COL19A1: variants seen among roughly 807,000 people sequenced by gnomAD.
COL19A1 encodes collagen type XIX alpha 1 chain.
A neutral mutation model predicts 190.2 loss-of-function variants in COL19A1; 159 were observed. The ratio of observed to expected loss-of-function variants is 0.84; its 90% confidence interval spans 0.73 to 0.95. The LOEUF (loss-of-function observed/expected upper bound fraction) is 0.95, where lower values mean the gene tolerates loss of function less well. Ranked by LOEUF, COL19A1 falls within the 40% of genes least tolerant of loss-of-function variation. The pLI is 0.00. For synonymous variants in COL19A1, 509 were observed against 458.9 expected (o/e 1.11, Z -1.39); for missense variants, 1,418 against 1,431.9 (o/e 0.99, Z 0.16).
chr6:70,117,083 A>G (rs1476234238), intron 16 of COL19A1, among the ~76,000 whole-genome samples: 1 of 152,212 alleles, frequency 6.6e-6, no homozygotes, highest in Non-Finnish European at 1.5e-5. Context: ...ATTGAGGATC[A>G]GAGAGTGAGC....
chr6:69,941,809 C>T (rs1467814401), intron 9 of COL19A1, among the ~76,000 whole-genome samples: 1 of 151,992 alleles, frequency 6.6e-6, no homozygotes, highest in Non-Finnish European at 1.5e-5. Flanking sequence ...CTGCCTCAGC[C>T]TCCTGAGTAG....
chr6:70,054,980 C>T (rs978823094), intron 14 of COL19A1, among the ~76,000 whole-genome samples: 1 of 152,046 alleles, frequency 6.6e-6, no homozygotes, highest in African/African-American at 2.4e-5. Context: ...TAAACTAAAT[C>T]AATTGGCCAG....
Position 70,145,722 on chromosome 6 carries a change from CTTT to C in COL19A1, c.1770+729_1770+731del, listed in dbSNP as rs56306364. 2.2e-3 allele frequency among the ~76,000 whole-genome samples: 281 copies of C among 128,094 alleles called. 2 individuals carry two copies. The highest frequency in any genetic ancestry group is 3.8e-3 in the Non-Finnish European group (236 of 61,588). The allele number at this position is 128,094 out of a possible 152,430, so 84.0% of individuals were successfully genotyped here. ...TATTCATCTATTCATCTTATTGTTT[CTTT>C]TTTTTTTTTTTTTGAGACAGGGTCT... On this transcript the variant is annotated intron_variant, in intron 25 of 50. Coordinates refer to ENST00000620364, the MANE Select transcript of COL19A1 (RefSeq NM_001858.6).
intron 16 of COL19A1, among the ~76,000 whole-genome samples, chr6:70,106,418 T>G (rs1219660417): frequency 6.6e-6 from 1 of 152,170 alleles, no homozygotes; most frequent in Admixed American, 6.6e-5. Context: ...AAAAGATTTC[T>G]AATAATGGAA....
At chr6:69,952,783 T>C (rs1475017664) in intron 9 of COL19A1, among the ~76,000 whole-genome samples, 1 of 152,024 alleles carries the variant, frequency 6.6e-6, no homozygotes, top group Non-Finnish European at 1.5e-5. Context: ...TGAATCTTGA[T>C]TTTCCCTAAA....
intron 4 of COL19A1, among the ~76,000 whole-genome samples, chr6:69,912,206 C>T (rs1770977325): frequency 6.6e-6 from 1 of 152,180 alleles, no homozygotes; most frequent in Non-Finnish European, 1.5e-5. Flanking sequence ...TAATGTCCTT[C>T]AAGTTTCCTT....
chr6:70,103,360 A>G (rs914087006), intron 16 of COL19A1, among the ~76,000 whole-genome samples: 6 of 152,106 alleles, frequency 3.9e-5, no homozygotes, highest in African/African-American at 1.2e-4. Context: ...CATTGCCTCT[A>G]CCTTCTCCAA....
chr6:70,048,389 C>T (rs1278325321), intron 14 of COL19A1, among the ~76,000 whole-genome samples: 1 of 152,042 alleles, frequency 6.6e-6, no homozygotes, highest in Non-Finnish European at 1.5e-5. Flanking sequence ...CCTTTCCTCC[C>T]TTCCTCTTTT....
At position 70,163,216 on chromosome 6, in the gene COL19A1, G is replaced by A. The variant is rs1484247759; in HGVS notation, c.2347-127G>A. 10 of 791,374 alleles carry A rather than the reference G, an allele frequency of 1.3e-5. No individual in the cohort carries two copies. The Admixed American group carries it at 2.5e-4, about 20-fold the overall frequency. 49.0% of individuals were successfully genotyped at this position (791,374 alleles called of 1,614,324 possible). A position where few individuals can be genotyped will look rare whatever the true frequency, so the allele number is the denominator to read the frequency against. ...GCTGTATCAGCCAGAAGAAACATAA[G>A]CTTCTAGGGCTTATTTAATTAGGAT... is the stretch of plus-strand genomic sequence containing the variant. On this transcript the variant is annotated intron_variant, in intron 35 of 50. Coordinates refer to ENST00000620364, the MANE Select transcript of COL19A1 (RefSeq NM_001858.6).
rs533434149 is a variant in COL19A1, at chr6:70,010,368, C to T, written c.1027-13259C>T. On this transcript the variant is annotated intron_variant, in intron 11 of 50. Transcript: ENST00000620364. ...CAAACGAGGGAGGAGCCAAGATGGCCGAATAGGAACAGCTCCGGTCTACAG... is the reference window on the plus strand; with the variant it reads ...CAAACGAGGGAGGAGCCAAGATGGCTGAATAGGAACAGCTCCGGTCTACAG... Among the ~76,000 whole-genome samples the T allele has an allele frequency of 4.7e-4, 58 of 123,562 alleles. 5 individuals are homozygous for T. Among genetic ancestry groups the T allele is most frequent in the African/African-American group, 1.4e-3 (49 of 36,044 alleles). The allele number at this position is 123,562 out of a possible 152,430, so 81.1% of individuals were successfully genotyped here. A position where few individuals can be genotyped will look rare whatever the true frequency, so the allele number is the denominator to read the frequency against.
At chr6:69,920,810 A>G (rs1327535575) in intron 4 of COL19A1, among the ~76,000 whole-genome samples, 1 of 150,702 alleles carries the variant, frequency 6.6e-6, no homozygotes, top group Non-Finnish European at 1.5e-5. Context: ...TTATGTGGAT[A>G]AAATTTTTAT....
chr6:70,023,021 G>C (rs1323480930), intron 11 of COL19A1, among the ~76,000 whole-genome samples: 1 of 152,028 alleles, frequency 6.6e-6, no homozygotes, highest in Non-Finnish European at 1.5e-5. Context: ...GAATGGATAT[G>C]AGATCCTTGG....
At chr6:70,093,720 G>A (rs988188419) in intron 15 of COL19A1, among the ~76,000 whole-genome samples, 1 of 152,134 alleles carries the variant, frequency 6.6e-6, no homozygotes, top group Non-Finnish European at 1.5e-5. Flanking sequence ...CTCACATCAA[G>A]GAAACGTTAA....
intron 14 of COL19A1, among the ~76,000 whole-genome samples, chr6:70,039,377 C>T (rs2150121458): frequency 6.6e-6 from 1 of 152,310 alleles, no homozygotes; most frequent in East Asian, 1.9e-4. Context: ...CAGGAGCTTC[C>T]AGGAGAGGCC....
intron 15 of COL19A1, among the ~76,000 whole-genome samples, chr6:70,097,514 T>C (rs1442738932): frequency 7.1e-6 from 1 of 140,998 alleles, no homozygotes; most frequent in East Asian, 2.0e-4. Flanking sequence ...ATGGATCCTG[T>C]CTCAAAAAAA....
intron 15 of COL19A1, among the ~76,000 whole-genome samples, chr6:70,079,219 A>T (rs1049601612): frequency 6.6e-6 from 1 of 152,236 alleles, no homozygotes; most frequent in African/African-American, 2.4e-5. Context: ...TTGCTGACGT[A>T]TCAAGTCTGA....
At chr6:69,921,210 TATATA>T (rs1004125066) in intron 4 of COL19A1, among the ~76,000 whole-genome samples, 1 of 131,868 alleles carries the variant, frequency 7.6e-6, no homozygotes, top group Admixed American at 9.0e-5. Flanking sequence ...CATATATTCA[TATATA>T]ATATATCCAT....
intron 14 of COL19A1, chr6:70,059,669 T>C (rs1780706807): frequency 5.2e-6 from 2 of 382,932 alleles, no homozygotes; most frequent in Non-Finnish European, 1.1e-5. Context: ...GCCTTATGAA[T>C]TCCATTCTTT....
At chr6:69,918,401 A>T (rs1426806668) in intron 4 of COL19A1, among the ~76,000 whole-genome samples, 1 of 152,114 alleles carries the variant, frequency 6.6e-6, no homozygotes, top group African/African-American at 2.4e-5. Flanking sequence ...TGTTTTGGTG[A>T]TAAAAACAGT....
Sources: gnomAD v4.1 joint callset for allele counts (sites outside exome capture counted in the v4.1 genomes callset) on GRCh38, gnomAD v4.1.1 for gene constraint, MANE v1.5 for transcripts, NCBI Gene and HGNC (gene_info 2026-07-23, HGNC 2026-07-21) for gene names.